Variants in ARHGAP10 observed in about 807,000 individuals in gnomAD.
ARHGAP10 encodes the protein Rho GTPase activating protein 10.
A neutral mutation model predicts 108.6 loss-of-function variants in ARHGAP10; 87 were observed. The observed-to-expected ratio is 0.80, with a 90% CI of 0.67 to 0.96. The LOEUF is 0.96. Ranked by LOEUF, ARHGAP10 falls within the 40% of genes least tolerant of loss-of-function variation. The pLI, the probability that ARHGAP10 is intolerant of heterozygous loss-of-function variation, is 0.00. For missense variants in ARHGAP10, 939 were observed against 954.5 expected (o/e 0.98, Z 0.21); for synonymous variants, 347 against 341.1 (o/e 1.02, Z -0.19).
At chr4:147,853,298 G>A (rs775885225) in intron 4 of ARHGAP10, among the ~76,000 whole-genome samples, 6 of 152,100 alleles carry the variant, frequency 3.9e-5, no homozygotes, top group South Asian at 2.1e-4. Flanking sequence ...GCCACGAATC[G>A]GTTTTTATTT....
chr4:148,031,477 C>T (rs368294694), intron 19 of ARHGAP10, among the ~76,000 whole-genome samples: 1 of 152,104 alleles, frequency 6.6e-6, no homozygotes, highest in African/African-American at 2.4e-5. Context: ...TGTGACAAAG[C>T]TAGGATGGAA....
chr4:147,780,947 G>C (rs1290276815), intron 1 of ARHGAP10, among the ~76,000 whole-genome samples: 1 of 152,120 alleles, frequency 6.6e-6, no homozygotes, highest in East Asian at 1.9e-4. Flanking sequence ...CCACTTTTGG[G>C]AGAATGAGAG....
At chr4:147,935,159 C>T (rs183598808) in intron 13 of ARHGAP10, among the ~76,000 whole-genome samples, 13 of 152,224 alleles carry the variant, frequency 8.5e-5, no homozygotes, top group African/African-American at 2.9e-4. Flanking sequence ...GTCGAGCTGT[C>T]TGTTGTGATT....
intron 4 of ARHGAP10, among the ~76,000 whole-genome samples, chr4:147,850,164 G>T (rs930386063): frequency 1.3e-5 from 2 of 152,170 alleles, no homozygotes; most frequent in African/African-American, 4.8e-5. Context: ...TCTTTGTCTA[G>T]CTAATGGTTT....
At chr4:147,897,003 A>G (rs888547176) in intron 10 of ARHGAP10, among the ~76,000 whole-genome samples, 2 of 151,958 alleles carry the variant, frequency 1.3e-5, no homozygotes, top group Non-Finnish European at 2.9e-5. Context: ...ATTTTTTTGC[A>G]TATGTGCATA....
intron 8 of ARHGAP10, among the ~76,000 whole-genome samples, chr4:147,878,521 T>C (rs6818371): frequency 0.2 from 31,078 of 152,146 alleles, 5,304 homozygotes; most frequent in African/African-American, 0.47. Flanking sequence ...TATGATTCTA[T>C]AATTCTATCA....
At chr4:147,888,828 A>C (rs1271133338) in intron 10 of ARHGAP10, among the ~76,000 whole-genome samples, 1 of 152,214 alleles carries the variant, frequency 6.6e-6, no homozygotes, top group Non-Finnish European at 1.5e-5. Context: ...AGGTGAATGT[A>C]CTTTGAGATC....
intron 11 of ARHGAP10, among the ~76,000 whole-genome samples, chr4:147,908,897 T>A (rs1736615930): frequency 6.6e-6 from 1 of 152,192 alleles, no homozygotes; most frequent in Non-Finnish European, 1.5e-5. Flanking sequence ...GTCTCAGAGA[T>A]GTTCCTTTTT....
chr4:147,752,644 C>T (rs895044234), intron 1 of ARHGAP10, among the ~76,000 whole-genome samples: 1 of 151,898 alleles, frequency 6.6e-6, no homozygotes, highest in Non-Finnish European at 1.5e-5. Context: ...TCTTGTGCCT[C>T]AGCCTCCCGA....
At chr4:148,013,652 C>T (rs1215570525) in intron 18 of ARHGAP10, among the ~76,000 whole-genome samples, 1 of 152,068 alleles carries the variant, frequency 6.6e-6, no homozygotes, top group Non-Finnish European at 1.5e-5. Context: ...TGCGCCACTG[C>T]ACTTCAACCT....
intron 18 of ARHGAP10, among the ~76,000 whole-genome samples, chr4:147,976,540 G>GT (rs1489451754): frequency 1.5e-5 from 2 of 137,534 alleles, no homozygotes; most frequent in South Asian, 4.7e-4. Context: ...TTTTGTGTGT[G>GT]GTTTTTTTTT....
intron 3 of ARHGAP10, among the ~76,000 whole-genome samples, chr4:147,839,793 T>C (rs886170385): frequency 2.6e-5 from 4 of 152,232 alleles, no homozygotes; most frequent in African/African-American, 9.6e-5. Context: ...GGAGGATAGA[T>C]TAAGATAACA....
intron 10 of ARHGAP10, among the ~76,000 whole-genome samples, chr4:147,892,679 C>CA (rs1234831959): frequency 4.4e-4 from 67 of 152,156 alleles, no homozygotes; most frequent in African/African-American, 1.5e-3. Flanking sequence ...TTTGGAGACT[C>CA]AGAGGAAGGG....
chr4:147,908,658 T>A (rs1191571451), intron 11 of ARHGAP10, among the ~76,000 whole-genome samples: 5 of 152,236 alleles, frequency 3.3e-5, no homozygotes. Context: ...TGTACTTACT[T>A]AAATTATGGG....
chr4:147,968,185 A>G (rs1202186286), intron 18 of ARHGAP10, among the ~76,000 whole-genome samples: 1 of 152,142 alleles, frequency 6.6e-6, no homozygotes, highest in Non-Finnish European at 1.5e-5. Flanking sequence ...AACATAAGGA[A>G]AAAATGGTTT....
chr4:147,792,511 C>T (rs968152196), intron 1 of ARHGAP10, among the ~76,000 whole-genome samples: 11 of 152,264 alleles, frequency 7.2e-5, no homozygotes, highest in South Asian at 6.2e-4. Context: ...TGAACACCTA[C>T]GAGCTCATCA....
intron 1 of ARHGAP10, among the ~76,000 whole-genome samples, chr4:147,763,256 T>TA: frequency 6.6e-6 from 1 of 152,080 alleles, no homozygotes; most frequent in African/African-American, 2.4e-5. Context: ...TGAGATGTAC[T>TA]AAAACAAGTT....
At chr4:147,933,133 G>A (rs1737771374) in intron 13 of ARHGAP10, among the ~76,000 whole-genome samples, 1 of 152,154 alleles carries the variant, frequency 6.6e-6, no homozygotes, top group Admixed American at 6.5e-5. Context: ...TTGAGAGATT[G>A]CATGTCTTCA....
At chr4:147,899,869 G>C (rs950715188) in intron 10 of ARHGAP10, among the ~76,000 whole-genome samples, 2 of 118,190 alleles carry the variant, frequency 1.7e-5, no homozygotes, top group Non-Finnish European at 3.6e-5. Context: ...AACTTGTTAC[G>C]TGCTGGGTTT....
Sources: allele counts gnomAD v4.1 joint callset (sites outside exome capture counted in the v4.1 genomes callset), GRCh38; gene constraint gnomAD v4.1.1; transcripts MANE v1.5; gene names NCBI Gene and HGNC (gene_info 2026-07-23, HGNC 2026-07-21).